The following ATPSCKMT variants were observed in gnomAD, a reference collection of about 807,000 sequenced individuals.
The protein encoded by ATPSCKMT is ATP synthase subunit C lysine N-methyltransferase.
In ATPSCKMT, 24 loss-of-function variants were observed where a neutral mutation model predicts 24.3. That is an observed-to-expected ratio of 0.99 (90% CI 0.71 to 1.39). The LOEUF (loss-of-function observed/expected upper bound fraction) is 1.39, where lower values mean the gene tolerates loss of function less well. Among genes scored for constraint, ATPSCKMT ranks in the 40% most tolerant of loss-of-function variants. The pLI, the probability that ATPSCKMT is intolerant of heterozygous loss-of-function variation, is 0.00. For synonymous variants in ATPSCKMT, 95 were observed against 110.5 expected, an observed-to-expected ratio of 0.86 and a Z score of 0.88; for missense variants, 311 against 298.4, an observed-to-expected ratio of 1.04 and a Z score of -0.31.
intron 1 of ATPSCKMT, among the ~76,000 whole-genome samples, chr5:10,240,477 A>G (rs2607325): frequency 0.92 from 139,146 of 152,072 alleles, 63,938 homozygotes; most frequent in Middle Eastern, 0.99. Context: ...ACTCCTCCAG[A>G]GCCAGCCAAA....
rs774196241 is a variant in ATPSCKMT, at chr5:10,239,312, C to A, written c.61G>T (p.Val21Phe). The change falls in exon 2 of 5, where the codon GTT becomes TTT. Residue 21 changes from valine to phenylalanine, a missense_variant. Physicochemically the swap from Val to Phe is conservative, Grantham distance 50. Transcript: ENST00000511437. Reference sequence around the variant, plus strand: ...TTGACTTCAAAACTTGCAGGTAGAACATGTCTTGACTGACTTTCTTCTTTA... The same window carrying A: ...TTGACTTCAAAACTTGCAGGTAGAAAATGTCTTGACTGACTTTCTTCTTTA... ...TLKEESQSRH[V>F]LPASFEVNSL... 1.2e-6 allele frequency: 2 copies of A among 1,614,130 alleles called. No homozygotes were observed. The highest frequency in any genetic ancestry group is 3.3e-5 in the Admixed American group (2 of 60,010).
chr5:10,231,239 C>A (rs1744117971), intron 4 of ATPSCKMT, among the ~76,000 whole-genome samples: 1 of 152,144 alleles, frequency 6.6e-6, no homozygotes, highest in Admixed American at 6.5e-5. Context: ...TTGTCTCTCT[C>A]CCCAACGTTA....
At chr5:10,249,797 C>G in intron 1 of ATPSCKMT, 61 bp downstream of exon 1, 1 of 1,533,656 alleles carries the variant, frequency 6.5e-7, no homozygotes, top group Non-Finnish European at 8.7e-7. Flanking sequence ...ACCGCGAGCC[C>G]CCGGCCCGCC....
chr5:10,245,293 GC>G (rs1561035221), intron 1 of ATPSCKMT, among the ~76,000 whole-genome samples: 1 of 151,760 alleles, frequency 6.6e-6, no homozygotes, highest in African/African-American at 2.4e-5. Context: ...GGTGGTGGGC[GC>G]CTGTAGTCCC....
rs763043155 is a variant in ATPSCKMT at position 10,236,496 on chromosome 5, A to T, written c.426T>A (p.Tyr142Ter). ...TACATACCTTCCACAAATCTGAAATATAAAATTTGGCAGATCCATGCACAC... is the reference window on the plus strand; with the variant it reads ...TACATACCTTCCACAAATCTGAAATTTAAAATTTGGCAGATCCATGCACAC... ...REGVHGSAKF[Y>*]ISDLWKVTFS... The change falls in exon 3 of 5, where the codon TAT becomes TAA. Residue 142 changes from tyrosine (Y) to a stop codon, truncating the protein, a stop_gained. Coordinates refer to ENST00000511437, the MANE Select transcript of ATPSCKMT (RefSeq NM_199133.4). LOFTEE classifies it high-confidence loss of function. 36 of 1,614,070 alleles carry T rather than the reference A, an allele frequency of 2.2e-5. No homozygotes were observed. The highest frequency in any genetic ancestry group is 2.8e-5 in the Non-Finnish European group (33 of 1,180,042).
rs973045900 is a variant in ATPSCKMT at position 10,238,912 on chromosome 5, T to C, written c.306+155A>G. The C allele has an allele frequency of 8.1e-6, 7 of 866,142 alleles. No individual in the cohort carries two copies. The Admixed American group carries it at 1.8e-4, about 23-fold the overall frequency. The allele number at this position is 866,142 out of a possible 1,614,324, so 53.7% of individuals were successfully genotyped here. ...TGGGAAAAATGAATTCCAAACACACTGGTAGTTGAATAGTTTGGTCAAACA... is the reference window on the plus strand; with the variant it reads ...TGGGAAAAATGAATTCCAAACACACCGGTAGTTGAATAGTTTGGTCAAACA... On this transcript the variant is annotated intron_variant, in intron 2 of 4. Coordinates refer to ENST00000511437, the MANE Select transcript of ATPSCKMT (RefSeq NM_199133.4).
chr5:10,235,298 C>T, intron 3 of ATPSCKMT, 37 bp from the exon 4 acceptor site: 1 of 1,568,320 alleles, frequency 6.4e-7, no homozygotes, highest in East Asian at 2.3e-5. Flanking sequence ...AGATTAAGTG[C>T]AAAAAGCCAA....
At chr5:10,231,564 G>A (rs1460767308) in intron 4 of ATPSCKMT, among the ~76,000 whole-genome samples, 2 of 151,270 alleles carry the variant, frequency 1.3e-5, no homozygotes, top group East Asian at 2.0e-4. Context: ...TGCCCGAGGC[G>A]CTCTTCCCTG....
rs761594344 is a variant in ATPSCKMT at position 10,239,351 on chromosome 5, G to T, written c.22C>A (p.Pro8Thr). The change falls in exon 2 of 5, where the codon CCC becomes ACC. Residue 8 changes from proline (P) to threonine (T), a missense_variant. By Grantham distance (38) the Pro-to-Thr change is conservative. Coordinates refer to ENST00000511437, the MANE Select transcript of ATPSCKMT (RefSeq NM_199133.4). ...CTTTCTTCTTTAAGTGTTTCTAGGGGTATACCTAGATTGAAAGCAAGCAGA... is the reference window on the plus strand; with the variant it reads ...CTTTCTTCTTTAAGTGTTTCTAGGGTTATACCTAGATTGAAAGCAAGCAGA... MEGGGGI[P>T]LETLKEESQS... 12 of 1,608,254 alleles carry T rather than the reference G, an allele frequency of 7.5e-6. No individual in the cohort carries two copies. The South Asian group carries it at 1.3e-4, about 18-fold the overall frequency.
chr5:10,246,167 C>T lies in ATPSCKMT; in HGVS notation c.16+3691G>A, dbSNP rs1002718173. Among the ~76,000 whole-genome samples, 6 of 152,030 alleles carry T rather than the reference C, an allele frequency of 3.9e-5. No individual in the cohort carries two copies. The East Asian group carries it at 9.7e-4, about 25-fold the overall frequency. The stretch of plus-strand genomic sequence containing the variant: ...TTCTGGGGCCTGGCACAGTGGCTCA[C>T]GCCTGCAATCCCAGCACTTTGGGAG... On this transcript the variant is annotated intron_variant, in intron 1 of 4. Transcript: ENST00000511437.
In ATPSCKMT at chr5:10,226,402, A is replaced by T. The variant is rs1215600644; in HGVS notation, c.*1039T>A. On this transcript the variant is annotated 3_prime_UTR_variant, in exon 5 of 5. Coordinates refer to ENST00000511437, the MANE Select transcript of ATPSCKMT (RefSeq NM_199133.4). The stretch of plus-strand genomic sequence containing the variant: ...TACATCTCCATTAAGACAGTTTGGT[A>T]TTTCAGTTACAGGTGTATGACTGGG... The T allele has an allele frequency of 1.3e-5, 2 of 152,208 alleles. No homozygotes were observed. Among genetic ancestry groups the T allele is most frequent in the Non-Finnish European group, 2.9e-5 (2 of 68,038 alleles). The allele number at this position is 152,208 out of a possible 1,614,324, so 9.4% of individuals were successfully genotyped here. A position where few individuals can be genotyped will look rare whatever the true frequency, so the allele number is the denominator to read the frequency against.
rs1455672735 is a variant in ATPSCKMT, at chr5:10,227,495, G to A, written c.648C>T (p.Gly216=). The change falls in exon 5 of 5, where the codon GGC becomes GGT. Residue 216 remains glycine, a synonymous_variant. Transcript: ENST00000511437. ...TCGATGTACAGGGCCTCTTTTCACG[G>A]CCTCTAAAAGTGCTTGCATCATATG... ...VWAYDASTFR[G]REKRPCTSMH... The A allele has an allele frequency of 6.2e-6, 10 of 1,614,138 alleles. No homozygotes were observed. The highest frequency in any genetic ancestry group is 3.3e-5 in the Admixed American group (2 of 60,026).
rs1390681551 is a variant in ATPSCKMT at position 10,227,519 on chromosome 5, T to C, written c.624A>G (p.Ala208=). ...VTGEGIDTVW[A]YDASTFRGRE... ...GGCCTCTAAAAGTGCTTGCATCATA[T>C]GCCCACACTGTGTCTATCCCCTCCC... Residue 208 remains alanine (A), a synonymous_variant, in exon 5 of 5, where the codon GCA becomes GCG. Transcript: ENST00000511437. 6.2e-7 allele frequency: 1 copy of C among 1,614,190 alleles called. No individual in the cohort carries two copies. The highest frequency in any genetic ancestry group is 8.5e-7 in the Non-Finnish European group (1 of 1,180,036).
intron 2 of ATPSCKMT, 192 bp from the exon 3 acceptor site, chr5:10,236,807 C>T: frequency 6.7e-7 from 1 of 1,487,506 alleles, no homozygotes; most frequent in Admixed American, 2.2e-5. Context: ...ACCCATGCAA[C>T]TTAGTTTCCT....
intron 4 of ATPSCKMT, among the ~76,000 whole-genome samples, chr5:10,233,950 TAAGAA>T (rs1257025817): frequency 6.6e-6 from 1 of 152,180 alleles, no homozygotes; most frequent in East Asian, 1.9e-4. Flanking sequence ...TTCACTTCTA[TAAGAA>T]AAGGCTGAAT....
rs542772073 is a variant in ATPSCKMT at position 10,227,236 on chromosome 5, T to A, written c.*205A>T. 3.1e-5 allele frequency: 18 copies of A among 584,624 alleles called. No individual in the cohort carries two copies. In the South Asian group the frequency reaches 3.3e-4, roughly 11 times the overall value. 36.2% of individuals were successfully genotyped at this position (584,624 alleles called of 1,614,324 possible). A position where few individuals can be genotyped will look rare whatever the true frequency, so the allele number is the denominator to read the frequency against. On this transcript the variant is annotated 3_prime_UTR_variant, in exon 5 of 5. Transcript: ENST00000511437. The stretch of plus-strand genomic sequence containing the variant: ...TCCAGGTGCATGGAAAGGCAGTAAG[T>A]ACAATTTTTAAGAAAATAGCATCAA...
At chr5:10,240,649 T>C (rs902041457) in intron 1 of ATPSCKMT, among the ~76,000 whole-genome samples, 1 of 152,100 alleles carries the variant, frequency 6.6e-6, no homozygotes, top group Non-Finnish European at 1.5e-5. Context: ...AATGCAGTTA[T>C]AGGTTTCCTA....
chr5:10,229,133 TATA>T (rs1744012990), intron 4 of ATPSCKMT, among the ~76,000 whole-genome samples: 1 of 152,208 alleles, frequency 6.6e-6, no homozygotes, highest in African/African-American at 2.4e-5. Flanking sequence ...TGTATTCCAA[TATA>T]ATAATTCCAA....
intron 1 of ATPSCKMT, among the ~76,000 whole-genome samples, chr5:10,239,770 A>G (rs1744540062): frequency 6.6e-6 from 1 of 152,218 alleles, no homozygotes; most frequent in Non-Finnish European, 1.5e-5. Context: ...TTATTACCCA[A>G]TTTCAAGTAG....
Sources: gnomAD v4.1 joint callset for allele counts (sites outside exome capture counted in the v4.1 genomes callset) on GRCh38, gnomAD v4.1.1 for gene constraint, MANE v1.5 for transcripts, NCBI Gene and HGNC (gene_info 2026-07-23, HGNC 2026-07-21) for gene names.